SLC34A3: variants seen among roughly 807,000 people sequenced by gnomAD.
SLC34A3 encodes the protein sodium-dependent phosphate transport protein 2C.
A neutral mutation model predicts 43.9 loss-of-function variants in SLC34A3; 60 were observed. The observed-to-expected ratio is 1.37, with a 90% confidence interval of 1.11 to 1.70. The LOEUF (loss-of-function observed/expected upper bound fraction) is 1.70, where lower values mean the gene tolerates loss of function less well. SLC34A3 is among the 40% of genes most tolerant of loss of function. The probability of loss-of-function intolerance (pLI) is 0.00; values close to 1 mark genes in which losing one functional copy is unlikely to be tolerated. For missense variants in SLC34A3, 969 were observed against 823.8 expected (o/e 1.18, Z -2.16); for synonymous variants, 451 against 386.2 (o/e 1.17, Z -1.97).
At chr9:137,232,295 A>G in intron 3 of SLC34A3, 134 bp downstream of exon 3, 1 of 906,118 alleles carries the variant, frequency 1.1e-6, no homozygotes, top group Non-Finnish European at 1.7e-6. Flanking sequence ...CCCTCTGGGG[A>G]GACACGTGTC....
Position 137,234,649 on chromosome 9 carries a change from T to G in SLC34A3, c.1253T>G (p.Leu418Arg). Reference sequence around the variant, plus strand: ...CTGGACCGGGCGTACCCCCTCTTACTGGGCTCCAACATCGGCACCACTACC... The same window carrying G: ...CTGGACCGGGCGTACCCCCTCTTACGGGGCTCCAACATCGGCACCACTACC... ...ISLDRAYPLL[L>R]GSNIGTTTTA... The change falls in exon 12 of 13, where the codon CTG becomes CGG. Residue 418 changes from leucine (L) to arginine (R), a missense_variant. Transcript: ENST00000673835. The surrounding 1 kb of genome is among the most constrained non-coding windows in gnomAD (Gnocchi z 6.9). 1 of 1,612,506 alleles carries G rather than the reference T, an allele frequency of 6.2e-7. No individual in the cohort carries two copies. Among genetic ancestry groups the G allele is most frequent in the Non-Finnish European group, 8.5e-7 (1 of 1,179,886 alleles).
At chr9:137,233,783 G>GCCCCC in intron 8 of SLC34A3, 61 bp downstream of exon 8, 6 of 693,532 alleles carry the variant, frequency 8.7e-6, no homozygotes, top group Admixed American at 7.8e-5. Context: ...GAGTCATCCC[G>GCCCCC]CCCCACCCAC....
rs778319426 is a variant in SLC34A3 at position 137,233,760 on chromosome 9, C to T, written c.846+38C>T. The T allele has an allele frequency of 3.1e-6, 5 of 1,606,384 alleles. No homozygotes were observed. The South Asian group carries it at 4.4e-5, about 14-fold the overall frequency. ...ACCCTAGGCCCTCACTGACCCCCAA[C>T]CTCCCACCTGCTGAGTCATCCCGCC... On this transcript the variant is annotated intron_variant, in intron 8 of 12. Coordinates refer to ENST00000673835, the MANE Select transcript of SLC34A3 (RefSeq NM_001177316.2).
rs1028670214 is a variant in SLC34A3 at position 137,236,254 on chromosome 9, G to C, written c.1638G>C (p.Leu546=). The change falls in exon 13 of 13, where the codon CTG becomes CTC. Residue 546 remains leucine (L), a synonymous_variant. Transcript: ENST00000673835. ...RRRPAWLPVR[L]RSWAWLPVWL... is the part of the protein sequence containing the mutation. ...GGCCGGCCTGGCTGCCTGTCCGCCT[G>C]CGCTCCTGGGCCTGGCTCCCCGTCT... is the stretch of plus-strand genomic sequence containing the variant. 5 of 1,546,632 alleles carry C rather than the reference G, an allele frequency of 3.2e-6. No homozygotes were observed. The African/African-American group carries it at 6.8e-5, about 21-fold the overall frequency.
rs142918575 is a variant in SLC34A3, at chr9:137,233,655, G to A, written c.779G>A (p.Ser260Asn). 9,235 of 1,612,778 alleles carry A rather than the reference G, an allele frequency of 5.7e-3. 35 individuals carry two copies. The highest frequency in any genetic ancestry group is 6.6e-3 in the Non-Finnish European group (7,842 of 1,179,936). The part of the protein sequence containing the change: ...IVQLDSDMIM[S>N]SATGNATNSS... ...CAGTTGGACTCCGACATGATCATGA[G>A]CAGTGCCACAGGCAACGCCACTAAC... is the stretch of plus-strand genomic sequence containing the variant. Residue 260 changes from serine (S) to asparagine (N), a missense_variant, in exon 8 of 13, where the codon AGC becomes AAC. By Grantham distance (46) the Ser-to-Asn change is conservative. Coordinates refer to ENST00000673835, the MANE Select transcript of SLC34A3 (RefSeq NM_001177316.2).
Position 137,233,856 on chromosome 9 carries a change from TC to T in SLC34A3, c.847-3del. ...AGCCTGTCCTGAGTCCTCCCTGCCC[TC>T]CCCAGACCCAGGAGAACAGCAGCTG... On this transcript the variant is annotated splice_region_variant and splice_polypyrimidine_tract_variant and intron_variant, in intron 8 of 12. Transcript: ENST00000673835. 7.1e-7 allele frequency: 1 copy of T among 1,402,630 alleles called. No individual in the cohort carries two copies. The highest frequency in any genetic ancestry group is 9.4e-7 in the Non-Finnish European group (1 of 1,058,294). 86.9% of individuals were successfully genotyped at this position (1,402,630 alleles called of 1,614,324 possible). A position where few individuals can be genotyped will look rare whatever the true frequency, so the allele number is the denominator to read the frequency against.
chr9:137,230,595 T>C (rs1836158900), upstream of SLC34A3, among the ~76,000 whole-genome samples: 1 of 152,132 alleles, frequency 6.6e-6, no homozygotes, highest in African/African-American at 2.4e-5. Flanking sequence ...GGGTGGAGTG[T>C]GTCTCTTGGG....
Position 137,234,196 on chromosome 9 carries a change from G to T in SLC34A3, c.1013G>T (p.Cys338Phe), listed in dbSNP as rs756797295. 1.2e-6 allele frequency: 2 copies of T among 1,606,566 alleles called. No individual in the cohort carries two copies. The highest frequency in any genetic ancestry group is 4.5e-5 in the East Asian group (2 of 44,668). Residue 338 changes from cysteine (C) to phenylalanine (F), a missense_variant, in exon 10 of 13, where the codon TGC becomes TTC. Cys to Phe is a radical substitution (Grantham distance 205). Coordinates refer to ENST00000673835, the MANE Select transcript of SLC34A3 (RefSeq NM_001177316.2). The surrounding 1 kb of genome is among the most constrained non-coding windows in gnomAD (Gnocchi z 6.9). ...GGCTCCCTGCTGGTGCTCTGCGGCTGCCTGGTCCTCATAGTCAAGCTGCTC... is the reference window on the plus strand; with the variant it reads ...GGCTCCCTGCTGGTGCTCTGCGGCTTCCTGGTCCTCATAGTCAAGCTGCTC... Reference protein sequence around the residue: ...LAGSLLVLCGCLVLIVKLLNS... With the variant: ...LAGSLLVLCGFLVLIVKLLNS...
chr9:137,231,764 T>C lies in SLC34A3; in HGVS notation c.62T>C (p.Val21Ala), dbSNP rs778419484. 6.2e-7 allele frequency: 1 copy of C among 1,613,008 alleles called. No homozygotes were observed. Among genetic ancestry groups the C allele is most frequent in the South Asian group, 1.1e-5 (1 of 91,076 alleles). The change falls in exon 2 of 13, where the codon GTG becomes GCG. Residue 21 changes from valine to alanine, a missense_variant. Val to Ala is a moderately conservative substitution (Grantham distance 64). Coordinates refer to ENST00000673835, the MANE Select transcript of SLC34A3 (RefSeq NM_001177316.2). Reference sequence around the variant, plus strand: ...CCCACTCTGGACGCGGTTGACCTAGTGGAAAAGACTCTGAGGAATGAAGGT... The same window carrying C: ...CCCACTCTGGACGCGGTTGACCTAGCGGAAAAGACTCTGAGGAATGAAGGT... ...PHPTLDAVDL[V>A]EKTLRNEGTS...
At position 137,232,989 on chromosome 9, in the gene SLC34A3, C is replaced by T. The variant is rs768565552; in HGVS notation, c.449-15C>T. Reference sequence around the variant, plus strand: ...CAGGGTGGGCCGCAGGCTGACTCAGCCCCCCCACCAGCAGTGCTGACTGTC... The same window carrying T: ...CAGGGTGGGCCGCAGGCTGACTCAGTCCCCCCACCAGCAGTGCTGACTGTC... On this transcript the variant is annotated splice_polypyrimidine_tract_variant and intron_variant, in intron 5 of 12. Coordinates refer to ENST00000673835, the MANE Select transcript of SLC34A3 (RefSeq NM_001177316.2). 11 of 1,609,148 alleles carry T rather than the reference C, an allele frequency of 6.8e-6. No individual in the cohort carries two copies. The highest frequency in any genetic ancestry group is 1.8e-4 in the Middle Eastern group (1 of 5,500).
Position 137,231,678 on chromosome 9 carries a change from C to G in SLC34A3, c.-25C>G, listed in dbSNP as rs1836223205. ...CCCCCCAGCAGATCTAGACCTGGGC[C>G]TGGGTCTGTCCCTGCCCGAAATCCA... On this transcript the variant is annotated 5_prime_UTR_variant, in exon 2 of 13. Transcript: ENST00000673835. 1 of 1,605,802 alleles carries G rather than the reference C, an allele frequency of 6.2e-7. No homozygotes were observed. Among genetic ancestry groups the G allele is most frequent in the African/African-American group, 1.3e-5 (1 of 74,908 alleles).
At chr9:137,232,201 T>C (rs1836260962) in intron 3 of SLC34A3, 40 bp downstream of exon 3, 4 of 1,581,034 alleles carry the variant, frequency 2.5e-6, no homozygotes, top group Non-Finnish European at 3.5e-6. Context: ...CTGGCAGGCC[T>C]CTGTCCCCAA....
chr9:137,234,417 C>T lies in SLC34A3; in HGVS notation c.1095C>T (p.Asp365=), dbSNP rs200481736. 5.0e-6 allele frequency: 8 copies of T among 1,598,742 alleles called. No individual in the cohort carries two copies. The African/African-American group carries it at 6.7e-5, about 13-fold the overall frequency. The stretch of plus-strand genomic sequence containing the variant: ...GGGCTGACCCGGCATCCCCCACAGA[C>T]TTCCCCTTCCCGCTGGGCTGGCTCG... The part of the protein sequence containing the change: ...AQVVRTVINA[D]FPFPLGWLGG... The change falls in exon 11 of 13, where the codon GAC becomes GAT. Residue 365 remains aspartate (D), a splice_region_variant and synonymous_variant. Coordinates refer to ENST00000673835, the MANE Select transcript of SLC34A3 (RefSeq NM_001177316.2). The surrounding 1 kb of genome is among the most constrained non-coding windows in gnomAD (Gnocchi z 6.9).
In SLC34A3 at chr9:137,236,177, C is replaced by T. The variant is rs1338285383; in HGVS notation, c.1561C>T (p.Leu521=). ...GGAGCTGGCCGCTGTCGGGGGTCCC[C>T]TGGTGGGGCTGGTGCTCCTCGTCAT... ...GMELAAVGGP[L]VGLVLLVILV... The change falls in exon 13 of 13, where the codon CTG becomes TTG. Residue 521 remains leucine (L), a synonymous_variant. Coordinates refer to ENST00000673835, the MANE Select transcript of SLC34A3 (RefSeq NM_001177316.2). The T allele has an allele frequency of 6.2e-7, 1 of 1,604,596 alleles. No homozygotes were observed. The highest frequency in any genetic ancestry group is 1.7e-5 in the Admixed American group (1 of 59,368).
At chr9:137,233,754 C>A (rs1371592634) in intron 8 of SLC34A3, 32 bp downstream of exon 8, 1 of 1,607,522 alleles carries the variant, frequency 6.2e-7, no homozygotes, top group South Asian at 1.1e-5. Context: ...CCTCACTGAC[C>A]CCCAACCTCC....
chr9:137,234,889 T>C lies in SLC34A3; in HGVS notation c.1335+158T>C, dbSNP rs1270989320. Among the ~76,000 whole-genome samples, 4 of 152,106 alleles carry C rather than the reference T, an allele frequency of 2.6e-5. No individual in the cohort carries two copies. In the East Asian group the frequency reaches 7.7e-4, roughly 29 times the overall value. ...GCCTCAGCCCTGCTGCTCTGCCTCC[T>C]TGGACCCCACAGGTCCTGCACACAT... On this transcript the variant is annotated intron_variant, in intron 12 of 12. Transcript: ENST00000673835. The surrounding 1 kb of genome is among the most constrained non-coding windows in gnomAD (Gnocchi z 6.9).
intron 12 of SLC34A3, among the ~76,000 whole-genome samples, chr9:137,235,654 A>G (rs1030343758): frequency 7.9e-5 from 12 of 152,208 alleles, no homozygotes; most frequent in Non-Finnish European, 1.2e-4. Context: ...CAGGAGGCAC[A>G]GGCAGAGCCA....
intron 3 of SLC34A3, 36 bp downstream of exon 3, chr9:137,232,197 G>A: frequency 6.3e-7 from 1 of 1,591,184 alleles, no homozygotes; most frequent in South Asian, 1.1e-5. Context: ...CAGGCTGGCA[G>A]GCCTCTGTCC....
chr9:137,234,301 T>G lies in SLC34A3; in HGVS notation c.1093+25T>G. On this transcript the variant is annotated intron_variant, in intron 10 of 12. Coordinates refer to ENST00000673835, the MANE Select transcript of SLC34A3 (RefSeq NM_001177316.2). The surrounding 1 kb of genome is among the most constrained non-coding windows in gnomAD (Gnocchi z 6.9). ...GGTGAGGGCGTGGGAGGAGGTGCGG[T>G]GGCCAGGGCTGACCCAGCATCCCCC... 1 of 1,607,730 alleles carries G rather than the reference T, an allele frequency of 6.2e-7. No homozygotes were observed. The highest frequency in any genetic ancestry group is 2.2e-5 in the East Asian group (1 of 44,796).
Sources: allele counts gnomAD v4.1 joint callset (sites outside exome capture counted in the v4.1 genomes callset), GRCh38; gene constraint gnomAD v4.1.1; non-coding constraint Gnocchi (gnomAD v3.1); transcripts MANE v1.5; gene names NCBI Gene and HGNC (gene_info 2026-07-23, HGNC 2026-07-21).